SPG7: variants seen among roughly 807,000 people sequenced by gnomAD.
SPG7 encodes the protein mitochondrial inner membrane m-AAA protease component paraplegin.
Under a neutral mutation model 81.9 loss-of-function variants are expected in SPG7, and 103 were observed. That is an observed-to-expected ratio of 1.26 (90% CI 1.07 to 1.48). The LOEUF is 1.48. SPG7 is among the 40% of genes most tolerant of loss of function. The probability of loss-of-function intolerance (pLI) is 0.00; values close to 1 mark genes in which losing one functional copy is unlikely to be tolerated. For synonymous variants in SPG7, 534 were observed against 444.2 expected (o/e 1.20, Z -2.54); for missense variants, 1,241 against 1,087.3 (o/e 1.14, Z -1.99).
chr16:89,550,639 G>A (rs1254104426), intron 13 of SPG7, 30 bp downstream of exon 13: 1 of 1,527,790 alleles, frequency 6.5e-7, no homozygotes, highest in Admixed American at 1.7e-5. Context: ...GGCTCCACGG[G>A]CCTTGGCCAA....
intron 3 of SPG7, chr16:89,518,489 G>A (rs1315754906): frequency 1.3e-5 from 2 of 151,704 alleles, no homozygotes; most frequent in Non-Finnish European, 2.9e-5. Flanking sequence ...TACACGGAGT[G>A]AAAAAAGACC....
intron 2 of SPG7, among the ~76,000 whole-genome samples, chr16:89,511,441 G>A (rs1418106762): frequency 6.6e-6 from 1 of 152,320 alleles, no homozygotes; most frequent in Non-Finnish European, 1.5e-5. Context: ...CAGGGAAAAA[G>A]TAAAATATTT....
intron 3 of SPG7, among the ~76,000 whole-genome samples, chr16:89,513,343 C>A (rs937498637): frequency 6.6e-6 from 1 of 151,690 alleles, no homozygotes; most frequent in Non-Finnish European, 1.5e-5. Flanking sequence ...ATGGTGAAAC[C>A]CCGTCTTTAC....
At chr16:89,524,732 A>G (rs570892990) in intron 4 of SPG7, among the ~76,000 whole-genome samples, 1 of 152,258 alleles carries the variant, frequency 6.6e-6, no homozygotes, top group Non-Finnish European at 1.5e-5. Flanking sequence ...GGCGTGAGCC[A>G]TCGTGCCCAG....
Position 89,515,864 on chromosome 16 carries a change from C to T in SPG7, c.376+2827C>T, listed in dbSNP as rs1193459102. ...CTGGGACTACAGGCGTGCGCCACCA[C>T]GCCCAGCTAATTTTTTGTATTTTTA... is the stretch of plus-strand genomic sequence containing the variant. On this transcript the variant is annotated intron_variant, in intron 3 of 16. Coordinates refer to ENST00000645818, the MANE Select transcript of SPG7 (RefSeq NM_003119.4). 4.0e-5 allele frequency among the ~76,000 whole-genome samples: 6 copies of T among 151,420 alleles called. 1 individual carries two copies. The highest frequency in any genetic ancestry group is 3.9e-4 in the East Asian group (2 of 5,104).
intron 9 of SPG7, chr16:89,543,961 A>C (rs1427267049): frequency 6.5e-6 from 1 of 154,960 alleles, no homozygotes; most frequent in Non-Finnish European, 1.4e-5. Flanking sequence ...GGATTCTTTT[A>C]AAGCAAACCC....
intron 3 of SPG7, among the ~76,000 whole-genome samples, chr16:89,513,487 G>C (rs1772603993): frequency 6.6e-6 from 1 of 151,548 alleles, no homozygotes; most frequent in South Asian, 2.1e-4. Flanking sequence ...TTGCACTCCA[G>C]CCTGAGCAAC....
chr16:89,530,378 T>A (rs2058325035), intron 6 of SPG7: 1 of 420,002 alleles, frequency 2.4e-6, no homozygotes, highest in Non-Finnish European at 4.5e-6. Context: ...TCTCTTGACC[T>A]CGTGATCCGC....
intron 1 of SPG7, among the ~76,000 whole-genome samples, chr16:89,510,211 G>A (rs544079557): frequency 9.9e-5 from 15 of 151,988 alleles, no homozygotes; most frequent in Non-Finnish European, 1.2e-4. Flanking sequence ...CTGACTTCAT[G>A]TGATCCACCC....
chr16:89,552,851 G>A (rs1249424919), intron 13 of SPG7, 128 bp from the exon 14 acceptor site: 1 of 841,876 alleles, frequency 1.2e-6, no homozygotes, highest in African/African-American at 1.7e-5. Context: ...TGTTGTTGTA[G>A]AGGATGCTGC....
intron 6 of SPG7, chr16:89,530,025 GAC>G: frequency 3.3e-6 from 1 of 304,572 alleles, no homozygotes; most frequent in Non-Finnish European, 6.4e-6. Context: ...TTTTGGTAGA[GAC>G]GGGGTTTCTC....
chr16:89,532,354 C>T, intron 8 of SPG7, 109 bp from the exon 9 acceptor site: 1 of 1,351,638 alleles, frequency 7.4e-7, no homozygotes, highest in Non-Finnish European at 1.1e-6. Flanking sequence ...GGGAATGGAG[C>T]TGGTAGCTTT....
At chr16:89,536,632 TGAGGCGGGCGAGGTGGGCGAGGCAGGC>T (rs1248860803) in intron 9 of SPG7, 13 of 959,312 alleles carry the variant, frequency 1.4e-5, no homozygotes, top group Admixed American at 1.1e-4. Context: ...TGAGGGCGGG[TGAGGCGGGCGAGGTGGGCGAGGCAGGC>T]GAGGCGGGTG....
In SPG7 at chr16:89,529,315, G is replaced by A. The variant is rs3803677; in HGVS notation, c.759-162G>A. 310,745 of 668,170 alleles carry A rather than the reference G, an allele frequency of 0.47. 74,845 individuals are homozygous for A. Among genetic ancestry groups the A allele is most frequent in the East Asian group, 0.69 (25,338 of 36,708 alleles). The allele number at this position is 668,170 out of a possible 1,614,324, so 41.4% of individuals were successfully genotyped here. ...AGCACAGTCAGCGAGAATGAGACGAGAGAACCCATTTCCACAACCATTTTA... is the reference window on the plus strand; with the variant it reads ...AGCACAGTCAGCGAGAATGAGACGAAAGAACCCATTTCCACAACCATTTTA... On this transcript the variant is annotated intron_variant, in intron 5 of 16. Coordinates refer to ENST00000645818, the MANE Select transcript of SPG7 (RefSeq NM_003119.4).
chr16:89,535,756 G>A (rs970248258), intron 9 of SPG7, among the ~76,000 whole-genome samples: 3 of 152,222 alleles, frequency 2.0e-5, no homozygotes, highest in African/African-American at 4.8e-5. Context: ...ATCACCATGC[G>A]TTTTAGAGGC....
At chr16:89,531,638 T>C (rs1218813149) in intron 7 of SPG7, 1 of 476,950 alleles carries the variant, frequency 2.1e-6, no homozygotes, top group Admixed American at 3.3e-5. Context: ...CCTCCCAAAA[T>C]GTTGGAATTC....
At chr16:89,533,138 C>G (rs543412108) in intron 9 of SPG7, 1 of 168,876 alleles carries the variant, frequency 5.9e-6, no homozygotes, top group Non-Finnish European at 1.3e-5. Flanking sequence ...GTAAAAAAGA[C>G]AAGTAGGAAT....
At position 89,510,537 on chromosome 16, in the gene SPG7, ATTG is replaced by A. The variant is rs527363502; in HGVS notation, c.238_240del (p.Leu80del). 195 of 1,611,292 alleles carry A rather than the reference ATTG, an allele frequency of 1.2e-4. No individual in the cohort carries two copies. The highest frequency in any genetic ancestry group is 1.6e-4 in the Non-Finnish European group (193 of 1,179,212). ...CCCCTACCTTTGAAGGGATCAACGG[ATTG>A]TTGTTGAAACAACATTTAGTTCAGA... On this transcript the variant is annotated inframe_deletion, in exon 2 of 17. Transcript: ENST00000645818.
intron 5 of SPG7, among the ~76,000 whole-genome samples, chr16:89,527,896 G>A (rs2058285055): frequency 6.6e-6 from 1 of 151,310 alleles, no homozygotes; most frequent in Admixed American, 6.6e-5. Context: ...ACAAGTTCGA[G>A]ACCAGTCTGG....
Sources: gnomAD v4.1 joint callset for allele counts (sites outside exome capture counted in the v4.1 genomes callset) on GRCh38, gnomAD v4.1.1 for gene constraint, MANE v1.5 for transcripts, NCBI Gene and HGNC (gene_info 2026-07-23, HGNC 2026-07-21) for gene names.